The following NUP98 variants were observed in gnomAD, a reference collection of about 807,000 sequenced individuals.
NUP98 encodes the protein nuclear pore complex protein Nup98-Nup96.
Under a neutral mutation model 191.9 loss-of-function variants are expected in NUP98, and 26 were observed. That is an observed-to-expected ratio of 0.14 (90% CI 0.10 to 0.19). The LOEUF is 0.19. Among genes scored for constraint, NUP98 ranks in the 10% least tolerant of loss-of-function variants. The pLI is 1.00. For missense variants in NUP98, 1,941 were observed against 2,178.8 expected, an observed-to-expected ratio of 0.89 and a Z score of 2.17; for synonymous variants, 808 against 778.4, an observed-to-expected ratio of 1.04 and a Z score of -0.63.
chr11:3,708,306 G>A (rs2078925323), intron 20 of NUP98, among the ~76,000 whole-genome samples: 1 of 152,072 alleles, frequency 6.6e-6, no homozygotes, highest in Non-Finnish European at 1.5e-5. Flanking sequence ...AAAATGGGGA[G>A]GGGGAGAGTG....
At chr11:3,696,830 C>CAAAACA (rs1564815431) in intron 25 of NUP98, 3 of 150,366 alleles carry the variant, frequency 2.0e-5, no homozygotes, top group African/African-American at 7.3e-5. Flanking sequence ...AAAAACAAAA[C>CAAAACA]AAAAAACAAA....
intron 24 of NUP98, 94 bp from the exon 25 acceptor site, chr11:3,699,442 A>C (rs555714851): frequency 2.2e-6 from 3 of 1,371,204 alleles, no homozygotes; most frequent in East Asian, 4.7e-5. Context: ...AAAATACATA[A>C]ATTAATAGAC....
At chr11:3,705,380 T>C (rs2078829502) in intron 21 of NUP98, 24 bp from the exon 22 acceptor site, 1 of 1,608,796 alleles carries the variant, frequency 6.2e-7, no homozygotes, top group Admixed American at 1.7e-5. Flanking sequence ...ATCTATAGAA[T>C]GAATGTGCTT....
intron 16 of NUP98, 150 bp from the exon 17 acceptor site, chr11:3,720,975 A>T (rs3223109): frequency 2.8e-4 from 92 of 324,460 alleles, no homozygotes; most frequent in South Asian, 1.2e-3. Flanking sequence ...GGGGTGTGTG[A>T]GTGTGTGTGT....
chr11:3,704,712 A>G (rs1394910763), intron 22 of NUP98, among the ~76,000 whole-genome samples: 2 of 152,118 alleles, frequency 1.3e-5, no homozygotes, highest in Non-Finnish European at 2.9e-5. Context: ...GTTCTTAAAA[A>G]CCGGCCACTC....
intron 7 of NUP98, among the ~76,000 whole-genome samples, chr11:3,769,037 T>C (rs1403559874): frequency 6.6e-6 from 1 of 152,222 alleles, no homozygotes; most frequent in East Asian, 1.9e-4. Context: ...GAAGTCAGCA[T>C]GTGTATTTTA....
At chr11:3,777,878 T>TAAA (rs2081801379) in intron 4 of NUP98, among the ~76,000 whole-genome samples, 5 of 151,800 alleles carry the variant, frequency 3.3e-5, no homozygotes, top group African/African-American at 1.2e-4. Context: ...TATTTCAATG[T>TAAA]TATACAAACA....
intron 1 of NUP98, among the ~76,000 whole-genome samples, chr11:3,796,705 A>G (rs926684584): frequency 9.2e-5 from 14 of 152,212 alleles, no homozygotes; most frequent in African/African-American, 3.1e-4. Flanking sequence ...ACTGTCAAAA[A>G]TCTGGCATTG....
chr11:3,687,514 T>C (rs555856979), intron 28 of NUP98, among the ~76,000 whole-genome samples: 1 of 152,354 alleles, frequency 6.6e-6, no homozygotes, highest in South Asian at 2.1e-4. Context: ...AGGTTTATAG[T>C]TAAGTTGAAA....
chr11:3,754,718 G>C (rs1428810957), intron 10 of NUP98, among the ~76,000 whole-genome samples: 11 of 152,090 alleles, frequency 7.2e-5, no homozygotes, highest in Non-Finnish European at 5.9e-5. Context: ...AAGGTGGGCA[G>C]GTCACTGGAG....
At chr11:3,754,591 A>C (rs1302301669) in intron 10 of NUP98, among the ~76,000 whole-genome samples, 1 of 152,146 alleles carries the variant, frequency 6.6e-6, no homozygotes, top group Non-Finnish European at 1.5e-5. Flanking sequence ...TACACGTGAG[A>C]AGTCTTCTTC....
chr11:3,756,988 T>G (rs571253291), intron 10 of NUP98, among the ~76,000 whole-genome samples: 11 of 151,800 alleles, frequency 7.2e-5, no homozygotes, highest in Admixed American at 2.0e-4. Flanking sequence ...CTTGGGAGGC[T>G]GAGGCAGTAG....
intron 1 of NUP98, among the ~76,000 whole-genome samples, chr11:3,791,378 C>CA (rs2082342319): frequency 6.7e-6 from 1 of 148,226 alleles, no homozygotes; most frequent in South Asian, 2.2e-4. Context: ...ACTAAAAATA[C>CA]AAAAAATTAG....
chr11:3,677,756 G>A (rs2077864378), intron 31 of NUP98, among the ~76,000 whole-genome samples: 1 of 152,178 alleles, frequency 6.6e-6, no homozygotes, highest in South Asian at 2.1e-4. Context: ...TATTCAATGA[G>A]AAAGTGGTTT....
intron 25 of NUP98, 160 bp downstream of exon 25, chr11:3,698,922 T>C: frequency 1.3e-6 from 1 of 760,922 alleles, no homozygotes; most frequent in South Asian, 1.7e-5. Flanking sequence ...TTTTATGTTA[T>C]ATTACATATT....
chr11:3,766,228 A>T (rs2081334092), intron 8 of NUP98, among the ~76,000 whole-genome samples: 1 of 152,126 alleles, frequency 6.6e-6, no homozygotes, highest in Admixed American at 6.6e-5. Flanking sequence ...TACAAAAATT[A>T]GCTGGACATG....
chr11:3,738,431 T>G (rs1487789327), intron 12 of NUP98, among the ~76,000 whole-genome samples: 1 of 152,160 alleles, frequency 6.6e-6, no homozygotes, highest in Admixed American at 6.6e-5. Context: ...AGTCTTCTGA[T>G]GAAACACAAG....
intron 10 of NUP98, among the ~76,000 whole-genome samples, chr11:3,757,539 C>G (rs1042382542): frequency 2.0e-5 from 3 of 152,036 alleles, no homozygotes; most frequent in Admixed American, 6.6e-5. Flanking sequence ...TGGTTCACAC[C>G]TGTAATCCCA....
chr11:3,718,450 C>T (rs1589798790), intron 18 of NUP98, among the ~76,000 whole-genome samples: 1 of 151,910 alleles, frequency 6.6e-6, no homozygotes, highest in East Asian at 1.9e-4. Flanking sequence ...GCAGGAGAAT[C>T]GCTTGAACCC....
Sources: gnomAD v4.1 joint callset for allele counts (sites outside exome capture counted in the v4.1 genomes callset) on GRCh38, gnomAD v4.1.1 for gene constraint, MANE v1.5 for transcripts, NCBI Gene and HGNC (gene_info 2026-07-23, HGNC 2026-07-21) for gene names.